ADNP2: variants seen among roughly 807,000 people sequenced by gnomAD.
The protein encoded by ADNP2 is ADNP homeobox 2.
Under a neutral mutation model 16.4 loss-of-function variants are expected in ADNP2, and 8 were observed. The ratio of observed to expected loss-of-function variants is 0.49; its 90% CI spans 0.29 to 0.88. ADNP2 has a LOEUF of 0.88. Ranked by LOEUF, ADNP2 falls within the 40% of genes least tolerant of loss-of-function variation. The pLI, the probability that ADNP2 is intolerant of heterozygous loss-of-function variation, is 0.09. For missense variants in ADNP2, 1,397 were observed against 1,395.1 expected (o/e 1.00, Z -0.02); for synonymous variants, 637 against 545.8 (o/e 1.17, Z -2.33).
Position 80,126,778 on chromosome 18 carries a change from A to C in ADNP2, c.109-6325A>C, listed in dbSNP as rs141475787. On this transcript the variant is annotated intron_variant, in intron 2 of 3. Coordinates refer to ENST00000262198, the MANE Select transcript of ADNP2 (RefSeq NM_014913.4). ...AAAATTTTGTGGCATCATTTCTTCA[A>C]CTAGTTTTTCTTCCCCTCACCCGTT... is the stretch of plus-strand genomic sequence containing the variant. 2.0e-3 allele frequency among the ~76,000 whole-genome samples: 298 copies of C among 152,214 alleles called. 2 individuals carry two copies. Among genetic ancestry groups the C allele is most frequent in the African/African-American group, 6.9e-3 (286 of 41,508 alleles).
At chr18:80,131,335 C>CT (rs2052494868) in intron 2 of ADNP2, among the ~76,000 whole-genome samples, 1 of 152,166 alleles carries the variant, frequency 6.6e-6, no homozygotes, top group Admixed American at 6.5e-5. Flanking sequence ...CTTGTCTACA[C>CT]TATAGGTCTT....
At chr18:80,124,397 A>G (rs1045846347) in intron 2 of ADNP2, among the ~76,000 whole-genome samples, 4 of 152,174 alleles carry the variant, frequency 2.6e-5, no homozygotes, top group Non-Finnish European at 5.9e-5. Flanking sequence ...TTACTTTGTC[A>G]GAGTGGCTTA....
intron 1 of ADNP2, among the ~76,000 whole-genome samples, chr18:80,116,233 A>G (rs891687877): frequency 6.6e-6 from 1 of 152,178 alleles, no homozygotes; most frequent in African/African-American, 2.4e-5. Context: ...AATCTATTGT[A>G]TGGATATGTC....
intron 2 of ADNP2, among the ~76,000 whole-genome samples, chr18:80,125,440 G>C (rs62102640): frequency 0.22 from 34,180 of 152,048 alleles, 5,027 homozygotes; most frequent in African/African-American, 0.42. Context: ...TCAGGAGATC[G>C]AGACCATTCT....
intron 1 of ADNP2, chr18:80,109,890 G>C (rs2052346304): frequency 6.6e-6 from 1 of 152,310 alleles, no homozygotes; most frequent in South Asian, 1.9e-4. Context: ...AGAAGAGAGG[G>C]GGCAAGGAGC....
In ADNP2 at chr18:80,136,543, C is replaced by T. The variant is rs369125675; in HGVS notation, c.1130C>T (p.Pro377Leu). The change falls in exon 4 of 4, where the codon CCA becomes CTA. Residue 377 changes from proline to leucine, a missense_variant. Around this residue, in one of 3 missense-constraint regions of ADNP2, gnomAD observed 777 missense variants for 719.4 expected, o/e 1.08. Coordinates refer to ENST00000262198, the MANE Select transcript of ADNP2 (RefSeq NM_014913.4). ...VNPPVLPLSQ[P>L]VGPVNKSVGT... is the part of the protein sequence containing the mutation. ...CCTCCTGTGTTGCCCTTGAGTCAGC[C>T]AGTCGGACCTGTCAATAAGTCTGTT... 1.1e-4 allele frequency: 170 copies of T among 1,614,122 alleles called. No individual in the cohort carries two copies. The highest frequency in any genetic ancestry group is 1.4e-4 in the Non-Finnish European group (161 of 1,180,062).
At chr18:80,131,427 C>T (rs971895230) in intron 2 of ADNP2, among the ~76,000 whole-genome samples, 8 of 152,260 alleles carry the variant, frequency 5.3e-5, no homozygotes, top group African/African-American at 7.2e-5. Context: ...ATCCTCTATA[C>T]GTTCTAGATC....
At position 80,136,367 on chromosome 18, in the gene ADNP2, C is replaced by T. The variant is rs1885036977; in HGVS notation, c.954C>T (p.Ser318=). Residue 318 remains serine (S), a synonymous_variant, in exon 4 of 4, where the codon AGC becomes AGT. Coordinates refer to ENST00000262198, the MANE Select transcript of ADNP2 (RefSeq NM_014913.4). ...CTGTGGCCCAGGGTGCCCCTGGAAG[C>T]CTCACTCATTCCCCCCCTGCTGCTG... The part of the protein sequence containing the change: ...PVTVAQGAPG[S]LTHSPPAAGQ... The T allele has an allele frequency of 1.2e-6, 2 of 1,614,106 alleles. No individual in the cohort carries two copies. Among genetic ancestry groups the T allele is most frequent in the African/African-American group, 2.7e-5 (2 of 74,936 alleles).
chr18:80,119,330 T>C (rs961393418), intron 2 of ADNP2, among the ~76,000 whole-genome samples: 3 of 150,958 alleles, frequency 2.0e-5, no homozygotes, highest in African/African-American at 7.3e-5. Flanking sequence ...GAGAATGGCA[T>C]GTACCCAGGA....
At position 80,138,733 on chromosome 18, in the gene ADNP2, C is replaced by A. The variant is rs762071788; in HGVS notation, c.3320C>A (p.Pro1107His). ...ATGAAAGCAATAAAAAATCACAAGC[C>A]TTCTGTACTTTTAGGCTTTGATATG... ...ICMKAIKNHK[P>H]SVLLGFDMSE... Residue 1107 changes from proline to histidine, a missense_variant, in exon 4 of 4, where the codon CCT becomes CAT. Physicochemically the swap from Pro to His is moderately conservative, Grantham distance 77 (BLOSUM62 -2). Coordinates refer to ENST00000262198, the MANE Select transcript of ADNP2 (RefSeq NM_014913.4). 6.2e-7 allele frequency: 1 copy of A among 1,605,260 alleles called. No homozygotes were observed. Among genetic ancestry groups the A allele is most frequent in the Non-Finnish European group, 8.5e-7 (1 of 1,178,176 alleles).
intron 2 of ADNP2, among the ~76,000 whole-genome samples, chr18:80,123,693 G>A (rs1263310802): frequency 5.3e-5 from 8 of 151,458 alleles, no homozygotes; most frequent in African/African-American, 1.9e-4. Flanking sequence ...TTTTTGTGGC[G>A]AGTTTGAGAA....
rs1170340486 is a variant in ADNP2 at position 80,138,116 on chromosome 18, G to T, written c.2703G>T (p.Met901Ile). 3 of 1,613,976 alleles carry T rather than the reference G, an allele frequency of 1.9e-6. No homozygotes were observed. The highest frequency in any genetic ancestry group is 1.3e-5 in the African/African-American group (1 of 75,044). The change falls in exon 4 of 4, where the codon ATG becomes ATT. Residue 901 changes from methionine (M) to isoleucine (I), a missense_variant. Met to Ile is a conservative substitution (Grantham distance 10). Coordinates refer to ENST00000262198, the MANE Select transcript of ADNP2 (RefSeq NM_014913.4). ...ATTTGAAGGAGAGGCACCACATCAT[G>T]CCCACAGTCCACACGGTCCTGAAGT... ...ELHLKERHHI[M>I]PTVHTVLKSP... is the part of the protein sequence containing the mutation.
intron 2 of ADNP2, among the ~76,000 whole-genome samples, chr18:80,119,496 G>A (rs553987130): frequency 1.3e-5 from 2 of 151,704 alleles, no homozygotes; most frequent in African/African-American, 4.8e-5. Context: ...CCTGTCCATC[G>A]TCCTCACTGC....
chr18:80,119,739 T>A (rs2052412656), intron 2 of ADNP2, among the ~76,000 whole-genome samples: 1 of 152,132 alleles, frequency 6.6e-6, no homozygotes, highest in Admixed American at 6.6e-5. Flanking sequence ...TCTTTAGGAG[T>A]TGTTTTTTAT....
At chr18:80,126,515 A>G (rs987241117) in intron 2 of ADNP2, among the ~76,000 whole-genome samples, 5 of 152,182 alleles carry the variant, frequency 3.3e-5, no homozygotes, top group Non-Finnish European at 1.5e-5. Flanking sequence ...TTAGGAAGGA[A>G]GAGATTTTTG....
intron 2 of ADNP2, among the ~76,000 whole-genome samples, chr18:80,120,862 C>T (rs895775706): frequency 1.2e-4 from 19 of 152,068 alleles, no homozygotes; most frequent in Non-Finnish European, 2.4e-4. Flanking sequence ...ACCATGTTGG[C>T]CAGGATAGTC....
chr18:80,118,358 G>A (rs2052402450), intron 2 of ADNP2, among the ~76,000 whole-genome samples: 2 of 151,966 alleles, frequency 1.3e-5, no homozygotes, highest in South Asian at 4.1e-4. Flanking sequence ...AACCTGGGTG[G>A]CAGAAGTTGC....
intron 2 of ADNP2, among the ~76,000 whole-genome samples, chr18:80,121,298 T>A (rs2052423353): frequency 6.6e-6 from 1 of 152,218 alleles, no homozygotes; most frequent in South Asian, 2.1e-4. Flanking sequence ...GACAAATGAG[T>A]TTCAGCATCT....
intron 1 of ADNP2, among the ~76,000 whole-genome samples, chr18:80,115,832 G>A (rs1261966668): frequency 1.3e-5 from 2 of 152,082 alleles, no homozygotes; most frequent in Non-Finnish European, 2.9e-5. Context: ...GTGGAGTGCA[G>A]TGGCGCGACC....
Sources: allele counts gnomAD v4.1 joint callset (sites outside exome capture counted in the v4.1 genomes callset), GRCh38; gene constraint gnomAD v4.1.1; regional missense constraint gnomAD v4.1.1; transcripts MANE v1.5; gene names NCBI Gene and HGNC (gene_info 2026-07-23, HGNC 2026-07-21).